Variants in MAD1L1 observed in about 807,000 individuals in gnomAD.
The protein encoded by MAD1L1 is mitotic spindle assembly checkpoint protein MAD1.
In MAD1L1, 95 loss-of-function variants were observed where a neutral mutation model predicts 96.9. The ratio of observed to expected loss-of-function variants is 0.98; its 90% CI spans 0.83 to 1.16. The LOEUF is 1.16. Among genes scored for constraint, MAD1L1 ranks in the 50% most tolerant of loss-of-function variants. The pLI is 0.00. For missense variants in MAD1L1, 1,007 were observed against 954.4 expected (o/e 1.06, Z -0.73); for synonymous variants, 473 against 396.6 (o/e 1.19, Z -2.29).
chr7:2,093,801 C>T (rs918418726), intron 11 of MAD1L1, among the ~76,000 whole-genome samples: 4 of 152,140 alleles, frequency 2.6e-5, no homozygotes, highest in Non-Finnish European at 1.5e-5. Context: ...CAGAGGAGCA[C>T]GGAACGCGGA....
intron 18 of MAD1L1, among the ~76,000 whole-genome samples, chr7:1,886,538 G>A (rs1456523556): frequency 6.6e-6 from 1 of 152,210 alleles, no homozygotes; most frequent in African/African-American, 2.4e-5. Flanking sequence ...GAGCACGGTG[G>A]CACGGGCGGG....
At chr7:2,022,510 C>T (rs1782831732) in intron 12 of MAD1L1, among the ~76,000 whole-genome samples, 1 of 151,764 alleles carries the variant, frequency 6.6e-6, no homozygotes, top group South Asian at 2.1e-4. Context: ...AAGATCACGC[C>T]ACTGTACCCC....
At chr7:1,954,129 G>A (rs1033475521) in intron 16 of MAD1L1, among the ~76,000 whole-genome samples, 13 of 152,218 alleles carry the variant, frequency 8.5e-5, no homozygotes, top group African/African-American at 2.9e-4. Flanking sequence ...AACCACAGAC[G>A]TGGAAAACGT....
intron 15 of MAD1L1, among the ~76,000 whole-genome samples, chr7:1,970,698 G>T (rs889913849): frequency 1.2e-4 from 19 of 152,142 alleles, no homozygotes; most frequent in Non-Finnish European, 2.1e-4. Context: ...ATCTTACTGT[G>T]GTGGCTGCAT....
chr7:2,129,605 A>G (rs1339797700), intron 11 of MAD1L1, among the ~76,000 whole-genome samples: 3 of 152,216 alleles, frequency 2.0e-5, no homozygotes, highest in Non-Finnish European at 4.4e-5. Flanking sequence ...ACACGATCCC[A>G]TCCCTCTGGA....
intron 14 of MAD1L1, among the ~76,000 whole-genome samples, chr7:2,000,221 C>G (rs188494146): frequency 1.3e-5 from 2 of 152,122 alleles, no homozygotes; most frequent in Non-Finnish European, 2.9e-5. Context: ...CCAGCCCTCA[C>G]GCTCTCTACC....
chr7:1,860,437 C>T (rs1784488274), intron 18 of MAD1L1, among the ~76,000 whole-genome samples: 1 of 149,644 alleles, frequency 6.7e-6, no homozygotes, highest in Non-Finnish European at 1.5e-5. Context: ...TGGCCCCTGT[C>T]TCCCTAGAGG....
chr7:2,072,316 G>A (rs140815724), intron 11 of MAD1L1, among the ~76,000 whole-genome samples: 24 of 152,326 alleles, frequency 1.6e-4, no homozygotes, highest in African/African-American at 4.3e-4. Context: ...CTGCTGCGAC[G>A]TGAGAGCAGA....
chr7:2,042,257 A>G (rs986828967), intron 12 of MAD1L1, among the ~76,000 whole-genome samples: 4 of 151,000 alleles, frequency 2.6e-5, no homozygotes, highest in Non-Finnish European at 5.9e-5. Context: ...ACACAGACAC[A>G]CATACGCACA....
At chr7:1,822,137 T>C (rs544818154) in intron 18 of MAD1L1, among the ~76,000 whole-genome samples, 1 of 151,974 alleles carries the variant, frequency 6.6e-6, no homozygotes, top group East Asian at 1.9e-4. Context: ...GGAAATAAGA[T>C]GAACATACAA....
chr7:2,174,130 ACTT>A (rs1473736325), intron 10 of MAD1L1, among the ~76,000 whole-genome samples: 1 of 152,138 alleles, frequency 6.6e-6, no homozygotes, highest in East Asian at 1.9e-4. Context: ...AGGATGACTG[ACTT>A]TTTTAAAGAC....
intron 10 of MAD1L1, among the ~76,000 whole-genome samples, chr7:2,168,047 G>A (rs1180964342): frequency 6.6e-6 from 1 of 152,228 alleles, no homozygotes; most frequent in Non-Finnish European, 1.5e-5. Flanking sequence ...CACTTTGGGA[G>A]GCCGAGGCGG....
intron 11 of MAD1L1, among the ~76,000 whole-genome samples, chr7:2,082,541 G>T (rs1785706442): frequency 6.6e-6 from 1 of 152,234 alleles, no homozygotes; most frequent in African/African-American, 2.4e-5. Context: ...GGCGTCGCCG[G>T]GTCTGGTGTG....
chr7:2,011,388 G>C (rs1782294803), intron 13 of MAD1L1, among the ~76,000 whole-genome samples: 1 of 152,190 alleles, frequency 6.6e-6, no homozygotes. Flanking sequence ...CCTTCACCTT[G>C]CAAACATGCT....
chr7:2,126,250 G>A (rs375485108), intron 11 of MAD1L1, among the ~76,000 whole-genome samples: 8 of 152,358 alleles, frequency 5.3e-5, no homozygotes, highest in East Asian at 1.9e-4. Flanking sequence ...GCCCATGGAC[G>A]GGGGACGCCC....
intron 12 of MAD1L1, among the ~76,000 whole-genome samples, chr7:2,019,144 C>T (rs1010957345): frequency 1.3e-5 from 2 of 152,168 alleles, no homozygotes; most frequent in South Asian, 2.1e-4. Context: ...CGCTGCCACC[C>T]GCCTCCCCAG....
chr7:1,880,325 C>A (rs1583638566), intron 18 of MAD1L1, among the ~76,000 whole-genome samples: 1 of 152,140 alleles, frequency 6.6e-6, no homozygotes, highest in Non-Finnish European at 1.5e-5. Flanking sequence ...AAGCCCTGCA[C>A]CAGGTCATGA....
At chr7:2,008,321 T>G (rs1449472694) in intron 13 of MAD1L1, among the ~76,000 whole-genome samples, 1 of 152,088 alleles carries the variant, frequency 6.6e-6, no homozygotes, top group African/African-American at 2.4e-5. Context: ...AGGCAGTGGG[T>G]GGGCGGCAGA....
At chr7:2,020,116 G>A (rs1253829305) in intron 12 of MAD1L1, among the ~76,000 whole-genome samples, 2 of 152,334 alleles carry the variant, frequency 1.3e-5, no homozygotes, top group Non-Finnish European at 1.5e-5. Context: ...CCACGGAGGG[G>A]CAGAGCCCCG....
Sources: allele counts gnomAD v4.1 joint callset (sites outside exome capture counted in the v4.1 genomes callset), GRCh38; gene constraint gnomAD v4.1.1; transcripts MANE v1.5; gene names NCBI Gene and HGNC (gene_info 2026-07-23, HGNC 2026-07-21).